The following NCBP3 variants were observed in gnomAD, a reference collection of about 807,000 sequenced individuals.
NCBP3 encodes nuclear cap binding subunit 3, also known as nuclear cap-binding protein subunit 3.
NCBP3 carries 20 observed loss-of-function variants against 75.7 expected under a neutral mutation model. That is an observed-to-expected ratio of 0.26 (90% confidence interval 0.19 to 0.38). The LOEUF (loss-of-function observed/expected upper bound fraction) is 0.38. Ranked by LOEUF, NCBP3 falls within the 10% of genes least tolerant of loss-of-function variation. The pLI is 1.00. For synonymous variants in NCBP3, 293 were observed against 290.5 expected, an observed-to-expected ratio of 1.01 and a Z score of -0.09; for missense variants, 678 against 796.9, an observed-to-expected ratio of 0.85 and a Z score of 1.80.
Position 3,818,035 on chromosome 17 carries a change from G to A in NCBP3, c.1310+228C>T, listed in dbSNP as rs1207244566. On this transcript the variant is annotated intron_variant, in intron 10 of 12. Transcript: ENST00000389005. The surrounding 1 kb of genome is among the most constrained non-coding windows in gnomAD (Gnocchi z 4.7). ...CGCCAAATTGCTAACAGTAGTTATT[G>A]TTGAGAAAGAATGGGAATACAGATG... 1.3e-5 allele frequency among the ~76,000 whole-genome samples: 2 copies of A among 151,990 alleles called. No homozygotes were observed. Among genetic ancestry groups the A allele is most frequent in the Admixed American group, 6.6e-5 (1 of 15,260 alleles).
rs1252072689 is a variant in NCBP3 at position 3,810,264 on chromosome 17, AG to A, written c.*2779del. 3 of 152,394 alleles carry A rather than the reference AG, an allele frequency of 2.0e-5. No individual in the cohort carries two copies. In the South Asian group the frequency reaches 6.2e-4, roughly 32 times the overall value. The allele number at this position is 152,394 out of a possible 1,614,324, so 9.4% of individuals were successfully genotyped here. ...GGCTGCTGTACAAATGCAGCTGGAA[AG>A]GGCAGTGGCTGAAGAACGGAGAGGG... On this transcript the variant is annotated 3_prime_UTR_variant, in exon 13 of 13. Coordinates refer to ENST00000389005, the MANE Select transcript of NCBP3 (RefSeq NM_001114118.3).
At chr17:3,822,082 A>C in intron 7 of NCBP3, 30 bp from the exon 8 acceptor site, 1 of 1,411,810 alleles carries the variant, frequency 7.1e-7, no homozygotes, top group Non-Finnish European at 1.0e-6. Context: ...GTTACCTAGG[A>C]TTTCCTGTGA....
At chr17:3,828,525 G>A (rs1264858874) in intron 4 of NCBP3, among the ~76,000 whole-genome samples, 1 of 152,116 alleles carries the variant, frequency 6.6e-6, no homozygotes, top group Non-Finnish European at 1.5e-5. Context: ...GCCATCTAGG[G>A]TGCTACCCAG....
intron 12 of NCBP3, 33 bp downstream of exon 12, chr17:3,814,289 T>TC (rs1435419748): frequency 1.2e-6 from 2 of 1,608,982 alleles, no homozygotes; most frequent in Non-Finnish European, 1.7e-6. Context: ...TCTCACTGAA[T>TC]CCCCATTCCC....
rs1206711751 is a variant in NCBP3, at chr17:3,812,438, T to C, written c.*606A>G. On this transcript the variant is annotated 3_prime_UTR_variant, in exon 13 of 13. Transcript: ENST00000389005. ...GACAGCACGTAAGAGGCCCATGCCA[T>C]GAGCAATCCCCGAGGGAAGAACGGA... 1.1e-6 allele frequency: 1 copy of C among 888,332 alleles called. No individual in the cohort carries two copies. The highest frequency in any genetic ancestry group is 1.2e-4 in the East Asian group (1 of 8,366). 55.0% of individuals were successfully genotyped at this position (888,332 alleles called of 1,614,324 possible).
At chr17:3,821,173 A>G (rs2053655530) in intron 9 of NCBP3, 76 bp downstream of exon 9, 1 of 1,079,978 alleles carries the variant, frequency 9.3e-7, no homozygotes, top group African/African-American at 1.6e-5. Context: ...TGGAACCTTA[A>G]AAGATTGCAT....
chr17:3,821,845 CTT>C (rs1302162255), intron 8 of NCBP3, 106 bp downstream of exon 8: 48 of 706,672 alleles, frequency 6.8e-5, no homozygotes, highest in African/African-American at 1.8e-4. Context: ...ATTCTTCCCT[CTT>C]GTTTTCCTTC....
chr17:3,809,869 G>A lies in NCBP3; in HGVS notation c.*3175C>T, dbSNP rs2053383207. The A allele has an allele frequency of 6.6e-6, 1 of 152,140 alleles. No individual in the cohort carries two copies. Among genetic ancestry groups the A allele is most frequent in the Admixed American group, 6.5e-5 (1 of 15,280 alleles). 9.4% of individuals were successfully genotyped at this position (152,140 alleles called of 1,614,324 possible). ...GAAATACTGATAGAAGCTATGACAT[G>A]GATGAACCTCAGAAATATGTTAAGA... On this transcript the variant is annotated 3_prime_UTR_variant, in exon 13 of 13. Transcript: ENST00000389005.
rs1180446387 is a variant in NCBP3 at position 3,809,350 on chromosome 17, T to C, written c.*3694A>G. 6 of 152,090 alleles carry C rather than the reference T, an allele frequency of 3.9e-5. No individual in the cohort carries two copies. The highest frequency in any genetic ancestry group is 8.8e-5 in the Non-Finnish European group (6 of 68,014). 9.4% of individuals were successfully genotyped at this position (152,090 alleles called of 1,614,324 possible). A position where few individuals can be genotyped will look rare whatever the true frequency, so the allele number is the denominator to read the frequency against. ...CTCCTAGGTATATACCCAAGAGTCATGAAAATACCTGTCCCTGCAAAAACT... is the reference window on the plus strand; with the variant it reads ...CTCCTAGGTATATACCCAAGAGTCACGAAAATACCTGTCCCTGCAAAAACT... On this transcript the variant is annotated 3_prime_UTR_variant, in exon 13 of 13. Coordinates refer to ENST00000389005, the MANE Select transcript of NCBP3 (RefSeq NM_001114118.3).
At position 3,844,626 on chromosome 17, in the gene NCBP3, G is replaced by A. The variant is rs540188961; in HGVS notation, c.183+1415C>T. Among the ~76,000 whole-genome samples the A allele has an allele frequency of 7.9e-4, 120 of 152,236 alleles. 1 individual carries two copies. In the Middle Eastern group the frequency reaches 0.02, roughly 26 times the overall value. On this transcript the variant is annotated intron_variant, in intron 1 of 12. Coordinates refer to ENST00000389005, the MANE Select transcript of NCBP3 (RefSeq NM_001114118.3). ...AGCACTTTGGGAGGCAGAGGCGGGC[G>A]GATCACCTGAGGTCAGGTGTTCGAG...
At chr17:3,829,408 T>C in intron 3 of NCBP3, 40 bp from the exon 4 acceptor site, 1 of 1,546,324 alleles carries the variant, frequency 6.5e-7, no homozygotes, top group Non-Finnish European at 8.7e-7. Context: ...AGAATTTTCC[T>C]GTCCGCAACT....
At chr17:3,842,540 T>TG (rs1567597016) in intron 2 of NCBP3, among the ~76,000 whole-genome samples, 1 of 152,208 alleles carries the variant, frequency 6.6e-6, no homozygotes, top group Non-Finnish European at 1.5e-5. Context: ...TCCCCCGTCT[T>TG]GGACATTTTC....
At chr17:3,840,413 G>A (rs2054043897) in intron 2 of NCBP3, among the ~76,000 whole-genome samples, 1 of 152,130 alleles carries the variant, frequency 6.6e-6, no homozygotes, top group African/African-American at 2.4e-5. Flanking sequence ...AACCATCTCC[G>A]ACATAACACA....
At position 3,816,154 on chromosome 17, in the gene NCBP3, T is replaced by A; in HGVS notation, c.1427A>T (p.His476Leu). 6.2e-7 allele frequency: 1 copy of A among 1,614,080 alleles called. No homozygotes were observed. The highest frequency in any genetic ancestry group is 1.7e-5 in the Admixed American group (1 of 60,012). ...GCTGACTGGTGGCCGTGGACGGGAG[T>A]GCTGACGTTTCTCATCTAATAGATG... ...VRHLLDEKRQHSRPRPPVSST... is the reference protein window; with the variant it reads ...VRHLLDEKRQLSRPRPPVSST... Residue 476 changes from histidine to leucine, a missense_variant, in exon 11 of 13, where the codon CAC becomes CTC. By Grantham distance (99) the His-to-Leu change is moderately conservative. Around this residue, in one of 7 missense-constraint regions of NCBP3, gnomAD observed 365 missense variants for 392.7 expected, o/e 0.93. Transcript: ENST00000389005.
Position 3,805,595 on chromosome 17 carries a change from G to A in NCBP3, c.*7449C>T, listed in dbSNP as rs2053328508. On this transcript the variant is annotated 3_prime_UTR_variant, in exon 13 of 13. Transcript: ENST00000389005. The stretch of plus-strand genomic sequence containing the variant: ...GGGGACTGCGGGGGTGATGGGACAG[G>A]GAGAGAACAAGGAGTGGATTTTCTT... 1.3e-5 allele frequency: 2 copies of A among 152,494 alleles called. No individual in the cohort carries two copies. Among genetic ancestry groups the A allele is most frequent in the African/African-American group, 4.8e-5 (2 of 41,446 alleles). The allele number at this position is 152,494 out of a possible 1,614,324, so 9.4% of individuals were successfully genotyped here.
Position 3,826,169 on chromosome 17 carries a change from G to T in NCBP3, c.528C>A (p.Ile176=). Residue 176 remains isoleucine, a synonymous_variant, in exon 5 of 13, where the codon ATC becomes ATA. Transcript: ENST00000389005. ...LDEMTATRAL[I]NMSSLPAQDK... ...CCTGTGCAGGCAGGGAGCTCATATTGATAAGTGCTCGTGTGGCTGTCATTT... is the reference window on the plus strand; with the variant it reads ...CCTGTGCAGGCAGGGAGCTCATATTTATAAGTGCTCGTGTGGCTGTCATTT... 2 of 1,551,452 alleles carry T rather than the reference G, an allele frequency of 1.3e-6. No homozygotes were observed. Among genetic ancestry groups the T allele is most frequent in the South Asian group, 1.2e-5 (1 of 84,042 alleles).
chr17:3,840,287 C>G, intron 2 of NCBP3, 82 bp from the exon 3 acceptor site: 2 of 1,079,900 alleles, frequency 1.9e-6, no homozygotes, highest in Non-Finnish European at 2.8e-6. Flanking sequence ...GCATCAGTGA[C>G]AAACCTGAAC....
At chr17:3,844,160 C>T (rs1205280560) in intron 1 of NCBP3, among the ~76,000 whole-genome samples, 2 of 152,178 alleles carry the variant, frequency 1.3e-5, no homozygotes, top group Admixed American at 1.3e-4. Context: ...TCCAGCCTCA[C>T]CTAGAACTCC....
Position 3,818,508 on chromosome 17 carries a change from T to C in NCBP3, c.1065A>G (p.Glu355=), listed in dbSNP as rs760658117. 84 of 1,613,138 alleles carry C rather than the reference T, an allele frequency of 5.2e-5. No individual in the cohort carries two copies. The highest frequency in any genetic ancestry group is 7.0e-5 in the Non-Finnish European group (83 of 1,179,966). The change falls in exon 10 of 13, where the codon GAA becomes GAG. Residue 355 remains glutamate (E), a synonymous_variant. Transcript: ENST00000389005. This position sits in a 1 kb window ranked among gnomAD's most constrained non-coding sequence, Gnocchi z 4.7. ...CCATGTCCTGGTCTTCTTCTTCCTC[T>C]TCCTCTTCCTCCTCCTCCTCCTCTT... ...EEEEEEEEEE[E]EEEEDQDMDA...
Sources: allele counts gnomAD v4.1 joint callset (sites outside exome capture counted in the v4.1 genomes callset), GRCh38; gene constraint gnomAD v4.1.1; regional missense constraint gnomAD v4.1.1; non-coding constraint Gnocchi (gnomAD v3.1); transcripts MANE v1.5; gene names NCBI Gene and HGNC (gene_info 2026-07-23, HGNC 2026-07-21).